The following NPL variants were observed in gnomAD, a reference collection of about 807,000 sequenced individuals.
The protein encoded by NPL is N-acetylneuraminate lyase.
Under a neutral mutation model 41.1 loss-of-function variants are expected in NPL, and 32 were observed. The observed-to-expected ratio is 0.78, with a 90% CI of 0.59 to 1.05. NPL has a LOEUF of 1.05. NPL is among the 50% of genes least tolerant of loss of function. The pLI is 0.00. For missense variants in NPL, 321 were observed against 378.4 expected (o/e 0.85, Z 1.26); for synonymous variants, 128 against 134.9 (o/e 0.95, Z 0.35).
intron 5 of NPL, 145 bp from the exon 6 acceptor site, chr1:182,812,011 T>C (rs1345559578): frequency 5.4e-6 from 4 of 744,030 alleles, no homozygotes; most frequent in Non-Finnish European, 9.4e-6. Flanking sequence ...CCCCTTTAAG[T>C]AGATTAAATA....
chr1:182,825,855 T>C, intron 12 of NPL, 35 bp downstream of exon 12: 1 of 1,526,932 alleles, frequency 6.5e-7, no homozygotes, highest in East Asian at 2.2e-5. Context: ...TGTCTGCTGC[T>C]GGAGACTGTA....
chr1:182,808,016 A>G (rs2102545883), intron 5 of NPL, among the ~76,000 whole-genome samples: 1 of 152,194 alleles, frequency 6.6e-6, no homozygotes, highest in South Asian at 2.1e-4. Flanking sequence ...AGGGAAGAGA[A>G]TGATTTCAGA....
intron 5 of NPL, among the ~76,000 whole-genome samples, chr1:182,808,915 A>G (rs1571439772): frequency 6.6e-6 from 1 of 150,928 alleles, no homozygotes; most frequent in Admixed American, 6.6e-5. Context: ...AGCCAAAATC[A>G]CACTACTGTA....
Position 182,819,726 on chromosome 1 carries a change from TAGC to T in NPL, c.653+870_653+872del, listed in dbSNP as rs371167712. Among the ~76,000 whole-genome samples the T allele has an allele frequency of 2.4e-4, 37 of 152,358 alleles. No individual in the cohort carries two copies. In the East Asian group the frequency reaches 6.0e-3, roughly 25 times the overall value. The stretch of plus-strand genomic sequence containing the variant: ...GAGCACATGCACAGGGCCTACACCT[TAGC>T]AGGAGCTGACCCTTAGTGCTATAGA... On this transcript the variant is annotated intron_variant, in intron 10 of 12. Transcript: ENST00000367553.
chr1:182,816,957 C>G (rs892860686), intron 8 of NPL, 151 bp downstream of exon 8: 3 of 695,104 alleles, frequency 4.3e-6, no homozygotes, highest in African/African-American at 1.8e-5. Flanking sequence ...AAATGTCACT[C>G]TAAAGTCCCA....
Position 182,828,449 on chromosome 1 carries a change from T to C in NPL, c.779-275T>C, listed in dbSNP as rs1230751952. Among the ~76,000 whole-genome samples, 1 of 152,202 alleles carries C rather than the reference T, an allele frequency of 6.6e-6. No individual in the cohort carries two copies. The highest frequency in any genetic ancestry group is 2.4e-5 in the African/African-American group (1 of 41,438). On this transcript the variant is annotated intron_variant, in intron 12 of 12. Coordinates refer to ENST00000367553, the MANE Select transcript of NPL (RefSeq NM_030769.3). The surrounding 1 kb of genome is among the most constrained non-coding windows in gnomAD (Gnocchi z 4.0). ...TCTGACCTCTTTATTCCTGACACCT[T>C]TGGCTTCTCCTTCTTGGGTTTAAGA... is the stretch of plus-strand genomic sequence containing the variant.
At chr1:182,803,431 T>C (rs558199297) in intron 3 of NPL, among the ~76,000 whole-genome samples, 94 of 152,194 alleles carry the variant, frequency 6.2e-4, no homozygotes, top group Non-Finnish European at 1.1e-3. Context: ...TAAATACTGC[T>C]TGTCATGAGG....
intron 11 of NPL, among the ~76,000 whole-genome samples, chr1:182,824,141 T>G (rs1667566688): frequency 6.6e-6 from 1 of 152,240 alleles, no homozygotes; most frequent in African/African-American, 2.4e-5. Context: ...CCTTGCAGCT[T>G]TGTTTGTAAC....
intron 11 of NPL, 148 bp downstream of exon 11, chr1:182,822,347 T>C: frequency 1.4e-6 from 1 of 696,602 alleles, no homozygotes; most frequent in Non-Finnish European, 2.6e-6. Context: ...CTTTTTCTTG[T>C]TTAAAACCAA....
Position 182,828,911 on chromosome 1 carries a change from CCT to C in NPL, c.*8_*9del. ...GAAACTTGGAAGCTGGTAGCTAGTG[CCT>C]CTCTATCAAATCAGGGTTTGCACCT... On this transcript the variant is annotated 3_prime_UTR_variant, in exon 13 of 13. Transcript: ENST00000367553. The surrounding 1 kb of genome is among the most constrained non-coding windows in gnomAD (Gnocchi z 4.0). 2 of 1,614,078 alleles carry C rather than the reference CCT, an allele frequency of 1.2e-6. No individual in the cohort carries two copies. The highest frequency in any genetic ancestry group is 1.7e-6 in the Non-Finnish European group (2 of 1,179,988).
At position 182,816,831 on chromosome 1, in the gene NPL, T is replaced by G. The variant is rs1667347172; in HGVS notation, c.457+25T>G. The G allele has an allele frequency of 3.9e-6, 6 of 1,549,386 alleles. No individual in the cohort carries two copies. The East Asian group carries it at 1.3e-4, about 35-fold the overall frequency. The stretch of plus-strand genomic sequence containing the variant: ...AGTAAGTACTGCTTCTGTTGATCTT[T>G]CTTTCCTTCCAACTCTCACATCTTA... On this transcript the variant is annotated intron_variant, in intron 8 of 12. Coordinates refer to ENST00000367553, the MANE Select transcript of NPL (RefSeq NM_030769.3).
intron 3 of NPL, among the ~76,000 whole-genome samples, chr1:182,799,743 A>G (rs1038079761): frequency 6.6e-6 from 1 of 151,368 alleles, no homozygotes; most frequent in African/African-American, 2.4e-5. Flanking sequence ...AAAAAAAAAA[A>G]AAAAAAAAAA....
At chr1:182,825,223 T>C (rs1440979806) in intron 11 of NPL, among the ~76,000 whole-genome samples, 2 of 152,248 alleles carry the variant, frequency 1.3e-5, no homozygotes, top group Non-Finnish European at 2.9e-5. Context: ...GGCAGTGATA[T>C]AGAAGGCTGT....
intron 1 of NPL, among the ~76,000 whole-genome samples, chr1:182,790,213 T>C (rs1463035026): frequency 3.3e-5 from 5 of 152,224 alleles, no homozygotes; most frequent in East Asian, 1.9e-4. Flanking sequence ...CGAGTACCTG[T>C]CCCTCAAGAT....
chr1:182,827,069 C>G (rs960897063), intron 12 of NPL: 1 of 152,198 alleles, frequency 6.6e-6, no homozygotes, highest in Non-Finnish European at 1.5e-5. Context: ...TTTTGGACTG[C>G]AGTTGACCAC....
chr1:182,825,161 A>G (rs2102569636), intron 11 of NPL, among the ~76,000 whole-genome samples: 1 of 152,322 alleles, frequency 6.6e-6, no homozygotes, highest in East Asian at 1.9e-4. Flanking sequence ...TAGAAGAATC[A>G]CTGTCCCTCT....
At position 182,803,765 on chromosome 1, in the gene NPL, A is replaced by C; in HGVS notation, c.136A>C (p.Ile46Leu). 6.2e-7 allele frequency: 1 copy of C among 1,610,014 alleles called. No individual in the cohort carries two copies. Among genetic ancestry groups the C allele is most frequent in the African/African-American group, 1.3e-5 (1 of 74,964 alleles). The part of the protein sequence containing the change: ...YLVKEQGVKN[I>L]FVNGTTGEGL... Reference sequence around the variant, plus strand: ...TGTGAAAGAACAGGGAGTGAAGAACATTTTTGGTAAGTCAACTCTGGGGAT... The same window carrying C: ...TGTGAAAGAACAGGGAGTGAAGAACCTTTTTGGTAAGTCAACTCTGGGGAT... Residue 46 changes from isoleucine to leucine, a missense_variant, in exon 4 of 13, where the codon ATT (isoleucine) becomes CTT (leucine). Coordinates refer to ENST00000367553, the MANE Select transcript of NPL (RefSeq NM_030769.3).
chr1:182,793,555 C>G (rs1226767319), intron 2 of NPL, among the ~76,000 whole-genome samples: 1 of 152,198 alleles, frequency 6.6e-6, no homozygotes, highest in Non-Finnish European at 1.5e-5. Context: ...TGAAACATCC[C>G]TGTCCTGGGA....
intron 12 of NPL, 132 bp downstream of exon 12, chr1:182,825,952 A>T: frequency 1.2e-6 from 1 of 808,504 alleles, no homozygotes; most frequent in African/African-American, 1.7e-5. Context: ...TGTTTCCCTT[A>T]TTAACCCTCG....
Sources: gnomAD v4.1 joint callset for allele counts (sites outside exome capture counted in the v4.1 genomes callset) on GRCh38, gnomAD v4.1.1 for gene constraint, Gnocchi (gnomAD v3.1) non-coding constraint, MANE v1.5 for transcripts, NCBI Gene and HGNC (gene_info 2026-07-23, HGNC 2026-07-21) for gene names.